CLPB: variants seen among roughly 807,000 people sequenced by gnomAD.
The protein encoded by CLPB is mitochondrial disaggregase.
CLPB carries 40 observed loss-of-function variants against 78.4 expected under a neutral mutation model. The ratio of observed to expected loss-of-function variants is 0.51; its 90% CI spans 0.40 to 0.66. CLPB has a LOEUF of 0.66. Among genes scored for constraint, CLPB ranks in the 30% least tolerant of loss-of-function variants. The probability of loss-of-function intolerance (pLI) is 0.00; values close to 1 mark genes in which losing one functional copy is unlikely to be tolerated. For synonymous variants in CLPB, 333 were observed against 348.0 expected (o/e 0.96, Z 0.48); for missense variants, 780 against 886.9 (o/e 0.88, Z 1.53).
intron 2 of CLPB, among the ~76,000 whole-genome samples, chr11:72,414,445 G>A (rs1312230170): frequency 6.6e-6 from 1 of 152,226 alleles, no homozygotes; most frequent in Admixed American, 6.5e-5. Flanking sequence ...CTCAAACAGT[G>A]AAACAGTGTT....
chr11:72,424,925 A>C (rs1054566049), intron 2 of CLPB, among the ~76,000 whole-genome samples: 2 of 151,878 alleles, frequency 1.3e-5, no homozygotes, highest in Non-Finnish European at 2.9e-5. Flanking sequence ...ACAAAAAAAA[A>C]CTTAGCCAGG....
intron 6 of CLPB, among the ~76,000 whole-genome samples, chr11:72,328,170 C>A (rs1329090932): frequency 6.6e-6 from 1 of 152,144 alleles, no homozygotes; most frequent in Non-Finnish European, 1.5e-5. Flanking sequence ...AGATGTAAGA[C>A]CCTTCAGAGC....
chr11:72,377,894 G>C (rs954429410), intron 4 of CLPB, among the ~76,000 whole-genome samples: 5 of 152,198 alleles, frequency 3.3e-5, no homozygotes, highest in African/African-American at 4.8e-5. Context: ...GTTTGTGGCT[G>C]CTTCTGTATC....
intron 5 of CLPB, among the ~76,000 whole-genome samples, chr11:72,350,088 T>A (rs1590829053): frequency 6.6e-6 from 1 of 152,260 alleles, no homozygotes; most frequent in Non-Finnish European, 1.5e-5. Flanking sequence ...GGCTCCTCGA[T>A]GTCCACAGGA....
chr11:72,302,667 A>G (rs1949679932), intron 9 of CLPB: 1 of 332,062 alleles, frequency 3.0e-6, no homozygotes, highest in Admixed American at 4.0e-5. Flanking sequence ...CATCCATTCC[A>G]CGTTTCCTGA....
chr11:72,376,226 G>A (rs1854694172), intron 4 of CLPB, among the ~76,000 whole-genome samples: 1 of 152,132 alleles, frequency 6.6e-6, no homozygotes, highest in South Asian at 2.1e-4. Flanking sequence ...AGAACTACAG[G>A]ATTCTTTTGT....
At chr11:72,336,683 T>C (rs988612771) in intron 5 of CLPB, 1 of 167,302 alleles carries the variant, frequency 6.0e-6, no homozygotes, top group African/African-American at 2.4e-5. Flanking sequence ...CAGCAGTCTG[T>C]TGACTATCTC....
At chr11:72,316,507 A>T (rs979917102) in intron 7 of CLPB, among the ~76,000 whole-genome samples, 4 of 152,356 alleles carry the variant, frequency 2.6e-5, no homozygotes, top group Non-Finnish European at 2.9e-5. Flanking sequence ...GGGTCTGCAC[A>T]GGCAGGAGGG....
At chr11:72,409,749 G>A (rs185288989) in intron 2 of CLPB, among the ~76,000 whole-genome samples, 28 of 152,220 alleles carry the variant, frequency 1.8e-4, no homozygotes, top group African/African-American at 4.8e-4. Flanking sequence ...AGACGGAGGC[G>A]GGTGGATTAC....
chr11:72,380,978 C>T (rs930602850), intron 3 of CLPB, among the ~76,000 whole-genome samples: 5 of 152,208 alleles, frequency 3.3e-5, no homozygotes, highest in African/African-American at 7.2e-5. Flanking sequence ...AAAGCCCTTA[C>T]GGCATCAGCA....
rs192182107 is a variant in CLPB at position 72,294,291 on chromosome 11, A to C, written c.1680+34T>G. The C allele has an allele frequency of 8.9e-5, 144 of 1,614,090 alleles. No homozygotes were observed. In the African/African-American group the frequency reaches 1.5e-3, roughly 16 times the overall value. Reference sequence around the variant, plus strand: ...TGTTCCAGATTTCCAGTGGCTGGCTATCCCGCCCCCACCCATGGGCAGTTC... The same window carrying C: ...TGTTCCAGATTTCCAGTGGCTGGCTCTCCCGCCCCCACCCATGGGCAGTTC... On this transcript the variant is annotated intron_variant, in intron 14 of 15. Coordinates refer to ENST00000538039, the MANE Select transcript of CLPB (RefSeq NM_001258392.3).
rs531413614 is a variant in CLPB, at chr11:72,294,800, G to C, written c.1487-107C>G. ...GAAAGAGCCCTGGTCCTGTCCATCT[G>C]TGTGGTCCTGGTCAAGGTCTAAGGC... is the stretch of plus-strand genomic sequence containing the variant. On this transcript the variant is annotated intron_variant, in intron 12 of 15. Transcript: ENST00000538039. 7.5e-6 allele frequency: 7 copies of C among 938,138 alleles called. No individual in the cohort carries two copies. In the East Asian group the frequency reaches 1.7e-4, roughly 23 times the overall value. 58.1% of individuals were successfully genotyped at this position (938,138 alleles called of 1,614,324 possible).
intron 6 of CLPB, among the ~76,000 whole-genome samples, chr11:72,328,755 C>G (rs939561437): frequency 6.6e-6 from 1 of 152,222 alleles, no homozygotes; most frequent in African/African-American, 2.4e-5. Flanking sequence ...TGTAGTCAAG[C>G]CTATTATGTT....
At chr11:72,369,057 A>G (rs1222259977) in intron 4 of CLPB, among the ~76,000 whole-genome samples, 2 of 152,146 alleles carry the variant, frequency 1.3e-5, no homozygotes, top group Non-Finnish European at 2.9e-5. Context: ...TCTCACCTCC[A>G]TGAAAGGGAA....
At chr11:72,359,350 G>A in intron 4 of CLPB, 1 of 382,540 alleles carries the variant, frequency 2.6e-6, no homozygotes, top group Non-Finnish European at 5.1e-6. Flanking sequence ...GGTATAATAG[G>A]AGAATATACC....
At chr11:72,382,752 A>T (rs1854954725) in intron 3 of CLPB, among the ~76,000 whole-genome samples, 1 of 152,210 alleles carries the variant, frequency 6.6e-6, no homozygotes, top group African/African-American at 2.4e-5. Context: ...AGACTGGATA[A>T]GTTCCTACTT....
chr11:72,325,400 A>T (rs1206028047), intron 6 of CLPB, among the ~76,000 whole-genome samples: 1 of 152,162 alleles, frequency 6.6e-6, no homozygotes, highest in African/African-American at 2.4e-5. Flanking sequence ...CAGAGCTAAG[A>T]GTGCCTGCCT....
intron 2 of CLPB, among the ~76,000 whole-genome samples, chr11:72,418,809 C>A (rs1445378343): frequency 1.4e-5 from 2 of 148,052 alleles, no homozygotes; most frequent in South Asian, 4.2e-4. Flanking sequence ...GAGCTGAGAT[C>A]GTACCACTGC....
At chr11:72,316,626 T>A (rs531475002) in intron 7 of CLPB, among the ~76,000 whole-genome samples, 1 of 152,270 alleles carries the variant, frequency 6.6e-6, no homozygotes, top group South Asian at 2.1e-4. Flanking sequence ...TCAGGATATT[T>A]TCTATAAAAT....
Sources: allele counts gnomAD v4.1 joint callset (sites outside exome capture counted in the v4.1 genomes callset), GRCh38; gene constraint gnomAD v4.1.1; transcripts MANE v1.5; gene names NCBI Gene and HGNC (gene_info 2026-07-23, HGNC 2026-07-21).